ZNF385D: variants seen among roughly 807,000 people sequenced by gnomAD.
ZNF385D encodes the protein zinc finger protein 659.
Under a neutral mutation model 35.8 loss-of-function variants are expected in ZNF385D, and 15 were observed. The observed-to-expected ratio is 0.42, with a 90% CI of 0.28 to 0.64. The LOEUF (loss-of-function observed/expected upper bound fraction) is 0.64, where lower values mean the gene tolerates loss of function less well. ZNF385D is among the 30% of genes least tolerant of loss of function. The pLI is 0.23. For synonymous variants in ZNF385D, 212 were observed against 186.8 expected, an observed-to-expected ratio of 1.13 and a Z score of -1.10; for missense variants, 474 against 494.6, an observed-to-expected ratio of 0.96 and a Z score of 0.39.
At chr3:21,580,839 T>C (rs1427591025) in intron 2 of ZNF385D, among the ~76,000 whole-genome samples, 2 of 152,176 alleles carry the variant, frequency 1.3e-5, no homozygotes, top group African/African-American at 4.8e-5. Flanking sequence ...ATATTATTTC[T>C]GTGCTGATTT....
Position 22,168,377 on chromosome 3 carries a change from G to C in ZNF385D, c.325+440C>G, listed in dbSNP as rs75498865. On this transcript the variant is annotated intron_variant, in intron 3 of 5. Transcript: ENST00000494108. The stretch of plus-strand genomic sequence containing the variant: ...CAAAAGTCTGTACTAACAGATCATA[G>C]TTTATTGATTAAAACACCTATTTGA... The C allele has an allele frequency of 8.5e-5, 13 of 152,192 alleles. No individual in the cohort carries two copies. The East Asian group carries it at 2.5e-3, about 29-fold the overall frequency. 9.4% of individuals were successfully genotyped at this position (152,192 alleles called of 1,614,324 possible). A position where few individuals can be genotyped will look rare whatever the true frequency, so the allele number is the denominator to read the frequency against.
chr3:22,240,353 C>T (rs1349529560), intron 2 of ZNF385D, among the ~76,000 whole-genome samples: 1 of 150,944 alleles, frequency 6.6e-6, no homozygotes, highest in Admixed American at 6.6e-5. Context: ...AAACTAACTA[C>T]AAGTCAGAAA....
At chr3:21,476,470 G>T (rs1704258192) in intron 4 of ZNF385D, among the ~76,000 whole-genome samples, 1 of 151,848 alleles carries the variant, frequency 6.6e-6, no homozygotes, top group Non-Finnish European at 1.5e-5. Context: ...TGATGATGTT[G>T]AGCTCAATTA....
At chr3:21,967,957 G>A (rs544472779) in intron 3 of ZNF385D, among the ~76,000 whole-genome samples, 1 of 152,194 alleles carries the variant, frequency 6.6e-6, no homozygotes, top group Admixed American at 6.5e-5. Flanking sequence ...TAAGGAAAGA[G>A]ACACTAAAGT....
chr3:21,593,121 C>T (rs2064030122), intron 2 of ZNF385D, among the ~76,000 whole-genome samples: 1 of 152,112 alleles, frequency 6.6e-6, no homozygotes, highest in Admixed American at 6.5e-5. Context: ...CATGCTTTTG[C>T]TCATCTTTCT....
At position 21,750,922 on chromosome 3, in the gene ZNF385D, AGACAGCTG is replaced by A; in HGVS notation, c.-14_-7del. On this transcript the variant is annotated 5_prime_UTR_variant, in exon 1 of 8. The change creates a premature stop within an existing upstream ORF in the 5' untranslated region. Transcript: ENST00000281523. Reference sequence around the variant, plus strand: ...AAATACATTATGTTTCTCATTAATCAGACAGCTGGAATCCCACCGCGGTGTCTTCAGCA... The same window carrying A: ...AAATACATTATGTTTCTCATTAATCAGAATCCCACCGCGGTGTCTTCAGCA... 6.2e-7 allele frequency: 1 copy of A among 1,614,178 alleles called. No homozygotes were observed. Among genetic ancestry groups the A allele is most frequent in the Non-Finnish European group, 8.5e-7 (1 of 1,180,022 alleles).
chr3:22,167,560 G>A (rs895693601), intron 3 of ZNF385D, among the ~76,000 whole-genome samples: 1 of 152,200 alleles, frequency 6.6e-6, no homozygotes, highest in Non-Finnish European at 1.5e-5. Context: ...TACAGAGAAG[G>A]CTGTAACATT....
chr3:21,900,688 T>C (rs1283456092), intron 3 of ZNF385D, among the ~76,000 whole-genome samples: 2 of 152,126 alleles, frequency 1.3e-5, no homozygotes, highest in African/African-American at 4.8e-5. Context: ...ATAGTGGTAT[T>C]AGCTTGTTGT....
intron 2 of ZNF385D, among the ~76,000 whole-genome samples, chr3:22,323,136 C>T (rs996056907): frequency 7.9e-5 from 12 of 151,994 alleles, no homozygotes; most frequent in Non-Finnish European, 1.5e-4. Context: ...CTTGGTCTAC[C>T]TGTATGGCCT....
At chr3:21,717,535 T>C (rs2068371346) in intron 1 of ZNF385D, among the ~76,000 whole-genome samples, 1 of 152,180 alleles carries the variant, frequency 6.6e-6, no homozygotes, top group African/African-American at 2.4e-5. Context: ...TAAAATCCTT[T>C]AGAATTGCTT....
intron 1 of ZNF385D, among the ~76,000 whole-genome samples, chr3:21,742,884 G>T (rs544729384): frequency 6.6e-6 from 1 of 152,188 alleles, no homozygotes; most frequent in South Asian, 2.1e-4. Flanking sequence ...ACCCCAACAG[G>T]CAAAATCACT....
At chr3:21,476,336 A>G (rs1219390799) in intron 4 of ZNF385D, among the ~76,000 whole-genome samples, 1 of 152,110 alleles carries the variant, frequency 6.6e-6, no homozygotes, top group African/African-American at 2.4e-5. Flanking sequence ...TAAAGGGGAT[A>G]ATTCTAAAAG....
chr3:22,338,422 G>A (rs369845512), intron 2 of ZNF385D, among the ~76,000 whole-genome samples: 1 of 152,100 alleles, frequency 6.6e-6, no homozygotes, highest in Non-Finnish European at 1.5e-5. Flanking sequence ...AGTAATTGAA[G>A]ACCTATGTAG....
intron 3 of ZNF385D, among the ~76,000 whole-genome samples, chr3:22,090,380 G>A (rs182347358): frequency 3.9e-5 from 6 of 152,078 alleles, no homozygotes; most frequent in Non-Finnish European, 8.8e-5. Flanking sequence ...TTGTGATAAA[G>A]TGCCAACTGA....
chr3:22,370,137 T>TA (rs1178272366), intron 2 of ZNF385D, among the ~76,000 whole-genome samples: 3 of 152,198 alleles, frequency 2.0e-5, no homozygotes, highest in Non-Finnish European at 4.4e-5. Context: ...AGGGAAATTT[T>TA]AAAACAAGCT....
intron 3 of ZNF385D, among the ~76,000 whole-genome samples, chr3:21,563,556 A>G (rs892731833): frequency 6.6e-6 from 1 of 152,170 alleles, no homozygotes; most frequent in East Asian, 1.9e-4. Flanking sequence ...TCTATTTCCT[A>G]TACTCAATTA....
At chr3:22,093,213 G>A (rs748692049) in intron 3 of ZNF385D, among the ~76,000 whole-genome samples, 3 of 151,994 alleles carry the variant, frequency 2.0e-5, no homozygotes, top group Non-Finnish European at 2.9e-5. Context: ...TAAGACTACT[G>A]ACTTTACTAT....
At chr3:22,289,319 C>T (rs1173771596) in intron 2 of ZNF385D, among the ~76,000 whole-genome samples, 9 of 152,156 alleles carry the variant, frequency 5.9e-5, no homozygotes, top group Non-Finnish European at 1.2e-4. Flanking sequence ...TCATTACGTG[C>T]AAGCTGTTCC....
intron 3 of ZNF385D, among the ~76,000 whole-genome samples, chr3:21,761,808 T>C (rs1434759520): frequency 1.3e-5 from 2 of 151,614 alleles, no homozygotes; most frequent in African/African-American, 4.8e-5. Flanking sequence ...ATAAAAATTG[T>C]ATCTCACTTA....
Sources: gnomAD v4.1 joint callset for allele counts (sites outside exome capture counted in the v4.1 genomes callset) on GRCh38, gnomAD v4.1.1 for gene constraint, MANE v1.5 for transcripts, NCBI Gene and HGNC (gene_info 2026-07-23, HGNC 2026-07-21) for gene names.